Variants in EPB41L5 observed in about 807,000 individuals in gnomAD.
The protein encoded by EPB41L5 is erythrocyte membrane protein band 4.1 like 5.
Under a neutral mutation model 106.6 loss-of-function variants are expected in EPB41L5, and 55 were observed. That is an observed-to-expected ratio of 0.52 (90% CI 0.42 to 0.65). The LOEUF (loss-of-function observed/expected upper bound fraction) is 0.65, where lower values mean the gene tolerates loss of function less well. Ranked by LOEUF, EPB41L5 falls within the 30% of genes least tolerant of loss-of-function variation. The pLI, the probability that EPB41L5 is intolerant of heterozygous loss-of-function variation, is 0.00. For missense variants in EPB41L5, 871 were observed against 882.1 expected (o/e 0.99, Z 0.16); for synonymous variants, 297 against 306.7 (o/e 0.97, Z 0.33).
At chr2:120,083,965 C>T (rs1457817922) in intron 10 of EPB41L5, among the ~76,000 whole-genome samples, 1 of 152,108 alleles carries the variant, frequency 6.6e-6, no homozygotes, top group African/African-American at 2.4e-5. Flanking sequence ...AGATCTTCCT[C>T]CATCCCTTTA....
intron 20 of EPB41L5, among the ~76,000 whole-genome samples, chr2:120,157,532 G>C (rs1686952545): frequency 1.3e-5 from 2 of 152,112 alleles, no homozygotes; most frequent in South Asian, 4.1e-4. Context: ...CAGTTAGGAA[G>C]GTGGAGGCAG....
chr2:120,165,404 A>G (rs1208561808), intron 22 of EPB41L5, among the ~76,000 whole-genome samples: 3 of 152,170 alleles, frequency 2.0e-5, no homozygotes, highest in African/African-American at 7.2e-5. Context: ...TTTGCATATA[A>G]CCTACACATA....
chr2:120,101,517 C>T (rs531477414), intron 16 of EPB41L5: 1 of 152,044 alleles, frequency 6.6e-6, no homozygotes, highest in Admixed American at 6.6e-5. Flanking sequence ...ATCACCTGTT[C>T]AAGTTATTTG....
chr2:120,017,455 T>C (rs1677600218), intron 1 of EPB41L5, among the ~76,000 whole-genome samples: 1 of 152,234 alleles, frequency 6.6e-6, no homozygotes, highest in Non-Finnish European at 1.5e-5. Flanking sequence ...TTAATAGTCT[T>C]TTTGGCTTAT....
At chr2:120,114,538 A>T (rs1027368916) in intron 16 of EPB41L5, among the ~76,000 whole-genome samples, 1 of 152,206 alleles carries the variant, frequency 6.6e-6, no homozygotes, top group Non-Finnish European at 1.5e-5. Flanking sequence ...TTTTCAATTT[A>T]CATTATCAGG....
chr2:120,057,124 A>G (rs1203667821), intron 3 of EPB41L5, among the ~76,000 whole-genome samples: 2 of 152,022 alleles, frequency 1.3e-5, no homozygotes, highest in Admixed American at 6.6e-5. Flanking sequence ...GATCTCCTGG[A>G]TGCAAGTGAT....
chr2:120,116,245 A>G (rs1684942179), intron 16 of EPB41L5, among the ~76,000 whole-genome samples: 1 of 152,240 alleles, frequency 6.6e-6, no homozygotes, highest in South Asian at 2.1e-4. Flanking sequence ...TTTCTCTTAC[A>G]GAATATGTCT....
At position 120,142,951 on chromosome 2, in the gene EPB41L5, A is replaced by G. The variant is rs1363068506; in HGVS notation, c.1600-52A>G. ...TTTCATCAGTCTATTTCCTATTTCC[A>G]TATAACTATAGTGCATCAGAGTTGA... is the stretch of plus-strand genomic sequence containing the variant. On this transcript the variant is annotated intron_variant, in intron 18 of 24. Transcript: ENST00000263713. 4.6e-6 allele frequency: 7 copies of G among 1,509,636 alleles called. No individual in the cohort carries two copies. In the African/African-American group the frequency reaches 5.6e-5, roughly 12 times the overall value. The allele number at this position is 1,509,636 out of a possible 1,614,324, so 93.5% of individuals were successfully genotyped here.
At chr2:120,015,129 C>T (rs1053114137) in intron 1 of EPB41L5, among the ~76,000 whole-genome samples, 2 of 151,208 alleles carry the variant, frequency 1.3e-5, no homozygotes, top group African/African-American at 2.4e-5. Flanking sequence ...GGAGACTATC[C>T]TGGCTAACAC....
chr2:120,153,125 G>GTAGGGATT (rs1686749620), intron 20 of EPB41L5, among the ~76,000 whole-genome samples: 1 of 152,110 alleles, frequency 6.6e-6, no homozygotes, highest in Admixed American at 6.5e-5. Flanking sequence ...ATTTTTAAAT[G>GTAGGGATT]TAGGGATTTA....
intron 18 of EPB41L5, among the ~76,000 whole-genome samples, chr2:120,139,104 G>T (rs1686062040): frequency 6.6e-6 from 1 of 151,972 alleles, no homozygotes; most frequent in African/African-American, 2.4e-5. Flanking sequence ...TTCAATAAAT[G>T]GTGCTAGGAA....
At chr2:120,056,673 C>CTTT (rs57767473) in intron 3 of EPB41L5, among the ~76,000 whole-genome samples, 4 of 144,906 alleles carry the variant, frequency 2.8e-5, no homozygotes, top group African/African-American at 2.5e-5. Flanking sequence ...TTTCTTGTGA[C>CTTT]TTTTTTTTTT....
rs1039728821 is a variant in EPB41L5 at position 120,083,871 on chromosome 2, T to C, written c.804-3300T>C. Reference sequence around the variant, plus strand: ...ATTATGTAATGGCCTTCTTTGTCTCTTTTGATCTTTGTTGGTTTCAGGTCT... The same window carrying C: ...ATTATGTAATGGCCTTCTTTGTCTCCTTTGATCTTTGTTGGTTTCAGGTCT... On this transcript the variant is annotated intron_variant, in intron 10 of 24. Coordinates refer to ENST00000263713, the MANE Select transcript of EPB41L5 (RefSeq NM_020909.4). 5.3e-5 allele frequency among the ~76,000 whole-genome samples: 8 copies of C among 152,356 alleles called. No individual in the cohort carries two copies. In the South Asian group the frequency reaches 8.3e-4, roughly 16 times the overall value.
rs1687991773 is a variant in EPB41L5 at position 120,178,404 on chromosome 2, T to G, written c.*3497T>G. On this transcript the variant is annotated 3_prime_UTR_variant, in exon 25 of 25. Transcript: ENST00000263713. ...GTGAGCTCCCACTGTTGTGGGTGTCTCAGCTCTGAGGGTCTTTGTGAGCTC... is the reference window on the plus strand; with the variant it reads ...GTGAGCTCCCACTGTTGTGGGTGTCGCAGCTCTGAGGGTCTTTGTGAGCTC... The G allele has an allele frequency of 6.6e-6, 1 of 152,022 alleles. No individual in the cohort carries two copies. The highest frequency in any genetic ancestry group is 1.5e-5 in the Non-Finnish European group (1 of 68,062). 9.4% of individuals were successfully genotyped at this position (152,022 alleles called of 1,614,324 possible). A position where few individuals can be genotyped will look rare whatever the true frequency, so the allele number is the denominator to read the frequency against.
chr2:120,091,770 C>A, intron 13 of EPB41L5, 109 bp downstream of exon 13: 1 of 784,158 alleles, frequency 1.3e-6, no homozygotes, highest in Non-Finnish European at 2.0e-6. Context: ...AGGTCTGTTC[C>A]AGTCAACTAA....
intron 14 of EPB41L5, among the ~76,000 whole-genome samples, chr2:120,099,343 G>T (rs1388220447): frequency 3.6e-4 from 14 of 38,534 alleles, no homozygotes; most frequent in African/African-American, 6.8e-4. Flanking sequence ...GTAGTTTCTG[G>T]GTTTTTTTTT....
intron 20 of EPB41L5, among the ~76,000 whole-genome samples, chr2:120,152,012 T>G (rs1290960300): frequency 1.3e-5 from 2 of 152,206 alleles, no homozygotes; most frequent in Non-Finnish European, 2.9e-5. Context: ...TGGGAAGTTT[T>G]TATTTCTTTT....
chr2:120,039,688 G>A (rs1279824378), intron 2 of EPB41L5, among the ~76,000 whole-genome samples: 1 of 152,078 alleles, frequency 6.6e-6, no homozygotes, highest in Non-Finnish European at 1.5e-5. Flanking sequence ...AGGTGGGTGT[G>A]GTGGCGCATG....
chr2:120,106,215 AC>A, intron 16 of EPB41L5: 1 of 985,366 alleles, frequency 1.0e-6, no homozygotes, highest in South Asian at 4.7e-5. Flanking sequence ...GATGAGAGAA[AC>A]TGGATTGGAG....
Sources: gnomAD v4.1 joint callset for allele counts (sites outside exome capture counted in the v4.1 genomes callset) on GRCh38, gnomAD v4.1.1 for gene constraint, MANE v1.5 for transcripts, NCBI Gene and HGNC (gene_info 2026-07-23, HGNC 2026-07-21) for gene names.